Variants in NRXN1 observed in about 807,000 individuals in gnomAD.
NRXN1 encodes the protein neurexin 1.
NRXN1 carries 39 observed loss-of-function variants against 150.9 expected under a neutral mutation model. The ratio of observed to expected loss-of-function variants is 0.26; its 90% CI spans 0.20 to 0.34. The LOEUF (loss-of-function observed/expected upper bound fraction) is 0.34, where lower values mean the gene tolerates loss of function less well. Ranked by LOEUF, NRXN1 falls within the 10% of genes least tolerant of loss-of-function variation. The pLI, the probability that NRXN1 is intolerant of heterozygous loss-of-function variation, is 1.00. For synonymous variants in NRXN1, 924 were observed against 757.0 expected (o/e 1.22, Z -3.62); for missense variants, 1,815 against 1,949.9 (o/e 0.93, Z 1.30).
chr2:50,390,454 T>G (rs1398635220), intron 17 of NRXN1, among the ~76,000 whole-genome samples: 1 of 152,200 alleles, frequency 6.6e-6, no homozygotes, highest in African/African-American at 2.4e-5. Context: ...CAGGCTAGTG[T>G]GGCTCACGCA....
At chr2:50,348,335 G>A (rs907349870) in intron 17 of NRXN1, among the ~76,000 whole-genome samples, 1 of 152,192 alleles carries the variant, frequency 6.6e-6, no homozygotes. Context: ...TGCAGAAGAG[G>A]CAGAAAGTGG....
Position 50,562,250 on chromosome 2 carries a change from GTATAAGTA to G in NRXN1, c.1321-9233_1321-9226del, listed in dbSNP as rs1324916555. ...CATTTTTCTAAGGAGGCAGACATTA[GTATAAGTA>G]TATAATATACCATTTAGTATATGTA... On this transcript the variant is annotated intron_variant, in intron 8 of 22. Coordinates refer to ENST00000401669, the MANE Select transcript of NRXN1 (RefSeq NM_001330078.2). Among the ~76,000 whole-genome samples the G allele has an allele frequency of 4.6e-5, 7 of 151,888 alleles. No homozygotes were observed. In the East Asian group the frequency reaches 1.4e-3, roughly 29 times the overall value.
At chr2:50,522,407 G>A (rs2092812763) in intron 12 of NRXN1, among the ~76,000 whole-genome samples, 1 of 152,194 alleles carries the variant, frequency 6.6e-6, no homozygotes, top group African/African-American at 2.4e-5. Flanking sequence ...GAGAGTCTCT[G>A]CAGTATCAAT....
intron 17 of NRXN1, among the ~76,000 whole-genome samples, chr2:50,348,049 G>T (rs1038130490): frequency 2.6e-5 from 4 of 152,170 alleles, no homozygotes; most frequent in Admixed American, 1.3e-4. Flanking sequence ...CTACCCAATG[G>T]TTTAGATGTA....
chr2:50,035,499 A>T (rs1689891654), intron 21 of NRXN1, among the ~76,000 whole-genome samples: 2 of 152,174 alleles, frequency 1.3e-5, no homozygotes, highest in African/African-American at 4.8e-5. Flanking sequence ...AAAAAGCAAA[A>T]TTCTGGAGCT....
chr2:50,104,996 C>CA (rs1701444611), intron 18 of NRXN1, among the ~76,000 whole-genome samples: 1 of 151,948 alleles, frequency 6.6e-6, no homozygotes, highest in African/African-American at 2.4e-5. Flanking sequence ...AAACTCAAAG[C>CA]AAGGAGGTAC....
At chr2:50,397,684 T>A (rs1354568668) in intron 17 of NRXN1, among the ~76,000 whole-genome samples, 1 of 152,128 alleles carries the variant, frequency 6.6e-6, no homozygotes. Context: ...TTCACAGTTG[T>A]TTTCTGGCTA....
At chr2:50,579,150 G>A (rs946478453) in intron 8 of NRXN1, among the ~76,000 whole-genome samples, 4 of 152,174 alleles carry the variant, frequency 2.6e-5, no homozygotes, top group Non-Finnish European at 4.4e-5. Context: ...AGCGAAATGA[G>A]GCGTCTTGTT....
chr2:50,456,071 C>G (rs1335327403), intron 17 of NRXN1, among the ~76,000 whole-genome samples: 1 of 152,156 alleles, frequency 6.6e-6, no homozygotes, highest in Non-Finnish European at 1.5e-5. Flanking sequence ...CCATCTGCTT[C>G]TCTCCCTAAA....
chr2:50,373,293 T>TAC, intron 17 of NRXN1, among the ~76,000 whole-genome samples: 1 of 142,824 alleles, frequency 7.0e-6, no homozygotes, highest in South Asian at 2.2e-4. Flanking sequence ...TTATTTTATT[T>TAC]TTTATTATTA....
rs375492947 is a variant in NRXN1 at position 50,021,580 on chromosome 2, C to T, written c.4128+31691G>A. ...TTTCTAAGAAATAAATTATTAGAGACTCAAATATTAACCCTTATTAGCCAT... is the reference window on the plus strand; with the variant it reads ...TTTCTAAGAAATAAATTATTAGAGATTCAAATATTAACCCTTATTAGCCAT... On this transcript the variant is annotated intron_variant, in intron 21 of 22. Transcript: ENST00000401669. Among the ~76,000 whole-genome samples, 46 of 152,200 alleles carry T rather than the reference C, an allele frequency of 3.0e-4. 1 individual carries two copies. Among genetic ancestry groups the T allele is most frequent in the African/African-American group, 1.1e-3 (44 of 41,520 alleles).
At chr2:50,799,082 A>G (rs774728367) in intron 5 of NRXN1, among the ~76,000 whole-genome samples, 23 of 152,224 alleles carry the variant, frequency 1.5e-4, no homozygotes, top group Non-Finnish European at 3.2e-4. Flanking sequence ...CTATATGTGT[A>G]TCTACCATCT....
At chr2:50,597,025 G>C (rs1013261427) in intron 8 of NRXN1, among the ~76,000 whole-genome samples, 4 of 151,902 alleles carry the variant, frequency 2.6e-5, no homozygotes, top group Non-Finnish European at 5.9e-5. Flanking sequence ...TAATATTTTT[G>C]TATTTTTTGT....
chr2:50,501,400 A>AGTATGTGTGTGTGT (rs2091936720), intron 13 of NRXN1, among the ~76,000 whole-genome samples: 1 of 148,180 alleles, frequency 6.7e-6, no homozygotes, highest in Non-Finnish European at 1.5e-5. Context: ...TGTGTGTGTG[A>AGTATGTGTGTGTGT]GTGTGTGTGT....
At chr2:50,051,423 A>G (rs1007587689) in intron 21 of NRXN1, among the ~76,000 whole-genome samples, 3 of 152,042 alleles carry the variant, frequency 2.0e-5, no homozygotes, top group Non-Finnish European at 4.4e-5. Flanking sequence ...ATATTCATAA[A>G]AGCATTCCTA....
At chr2:50,983,860 A>C (rs1697238446) in intron 2 of NRXN1, among the ~76,000 whole-genome samples, 1 of 152,118 alleles carries the variant, frequency 6.6e-6, no homozygotes, top group Non-Finnish European at 1.5e-5. Context: ...TAACTCTTCT[A>C]CATAAAATTC....
At chr2:50,993,839 G>C (rs1698894027) in intron 2 of NRXN1, among the ~76,000 whole-genome samples, 1 of 151,920 alleles carries the variant, frequency 6.6e-6, no homozygotes, top group Non-Finnish European at 1.5e-5. Flanking sequence ...TCCTTGGTAA[G>C]AGGAAAGGTT....
intron 21 of NRXN1, among the ~76,000 whole-genome samples, chr2:49,987,365 C>T (rs1233815055): frequency 1.3e-5 from 2 of 152,162 alleles, no homozygotes; most frequent in South Asian, 4.1e-4. Flanking sequence ...CCCAAGACTT[C>T]TAGATCATAT....
intron 5 of NRXN1, among the ~76,000 whole-genome samples, chr2:50,884,658 C>A (rs946817705): frequency 3.3e-5 from 5 of 151,326 alleles, no homozygotes; most frequent in African/African-American, 1.2e-4. Flanking sequence ...GTAGTAATAT[C>A]TACACTTGAA....
Sources: gnomAD v4.1 joint callset for allele counts (sites outside exome capture counted in the v4.1 genomes callset) on GRCh38, gnomAD v4.1.1 for gene constraint, MANE v1.5 for transcripts, NCBI Gene and HGNC (gene_info 2026-07-23, HGNC 2026-07-21) for gene names.